INPP5A: variants seen among roughly 807,000 people sequenced by gnomAD.
INPP5A encodes the protein 43 kDa inositol polyphosphate 5-phophatase.
In INPP5A, 14 loss-of-function variants were observed where a neutral mutation model predicts 65.2. That is an observed-to-expected ratio of 0.21 (90% confidence interval 0.14 to 0.34). The LOEUF is 0.34. Ranked by LOEUF, INPP5A falls within the 10% of genes least tolerant of loss-of-function variation. The pLI is 1.00. For missense variants in INPP5A, 431 were observed against 545.6 expected, an observed-to-expected ratio of 0.79 and a Z score of 2.09; for synonymous variants, 207 against 208.3, an observed-to-expected ratio of 0.99 and a Z score of 0.05.
chr10:132,573,849 T>C lies in INPP5A; in HGVS notation c.76-34066T>C, dbSNP rs13376850. On this transcript the variant is annotated intron_variant, in intron 1 of 15. Coordinates refer to ENST00000368594, the MANE Select transcript of INPP5A (RefSeq NM_005539.5). ...TGTTGAGATGTTGGGGTGTGTGTGC[T>C]GTGTGAGGTTTTGTTGAGATGTTGG... 6.9e-3 allele frequency among the ~76,000 whole-genome samples: 772 copies of C among 111,112 alleles called. 16 individuals are homozygous for C. Among genetic ancestry groups the C allele is most frequent in the African/African-American group, 0.015 (378 of 24,728 alleles). The allele number at this position is 111,112 out of a possible 152,430, so 72.9% of individuals were successfully genotyped here.
At chr10:132,779,746 G>T (rs966460712) in intron 13 of INPP5A, among the ~76,000 whole-genome samples, 2 of 152,162 alleles carry the variant, frequency 1.3e-5, no homozygotes, top group African/African-American at 4.8e-5. Context: ...CGCCGGGCGC[G>T]CTCCGCAGCC....
At position 132,704,026 on chromosome 10, in the gene INPP5A, T is replaced by C. The variant is rs1236433343; in HGVS notation, c.475-4287T>C. On this transcript the variant is annotated intron_variant, in intron 6 of 15. Transcript: ENST00000368594. The surrounding 1 kb of genome is among the most constrained non-coding windows in gnomAD (Gnocchi z 4.5). ...ACGGCTTCACCCCCCCACACACGCG[T>C]GGCTTCACCCCCACACACACGCAGC... Among the ~76,000 whole-genome samples the C allele has an allele frequency of 8.6e-6, 1 of 115,842 alleles. No homozygotes were observed. Among genetic ancestry groups the C allele is most frequent in the East Asian group, 2.9e-4 (1 of 3,394 alleles). 76.0% of individuals were successfully genotyped at this position (115,842 alleles called of 152,430 possible). A position where few individuals can be genotyped will look rare whatever the true frequency, so the allele number is the denominator to read the frequency against.
At chr10:132,751,978 T>TGTCTGGGTAGAGGCGGGTGCCCAGGAGGC (rs1437619482) in intron 11 of INPP5A, among the ~76,000 whole-genome samples, 1 of 136,604 alleles carries the variant, frequency 7.3e-6, no homozygotes, top group African/African-American at 2.8e-5. Context: ...GCACAGGACG[T>TGTCTGGGTAGAGGCGGGTGCCCAGGAGGC]GTCTGGGTAG....
intron 1 of INPP5A, among the ~76,000 whole-genome samples, chr10:132,561,150 C>A (rs1175892534): frequency 6.6e-6 from 1 of 150,684 alleles, no homozygotes; most frequent in Non-Finnish European, 1.5e-5. Context: ...GCAACCTCGA[C>A]CTCCTGGGCT....
intron 9 of INPP5A, among the ~76,000 whole-genome samples, chr10:132,745,451 T>A (rs1397479225): frequency 6.6e-6 from 1 of 152,206 alleles, no homozygotes; most frequent in Non-Finnish European, 1.5e-5. Flanking sequence ...CTGATTGCTT[T>A]TCCAGTGCCT....
In INPP5A at chr10:132,549,788, T is replaced by C. The variant is rs989486964; in HGVS notation, c.75+11617T>C. Reference sequence around the variant, plus strand: ...CCCCACTCTCTGCCCCTGGTCTGAATGGTGGGGTTGGTGTGTCTCTGTTAC... The same window carrying C: ...CCCCACTCTCTGCCCCTGGTCTGAACGGTGGGGTTGGTGTGTCTCTGTTAC... On this transcript the variant is annotated intron_variant, in intron 1 of 15. Transcript: ENST00000368594. The surrounding 1 kb of genome is among the most constrained non-coding windows in gnomAD (Gnocchi z 4.9). Among the ~76,000 whole-genome samples, 1 of 152,238 alleles carries C rather than the reference T, an allele frequency of 6.6e-6. No homozygotes were observed. Among genetic ancestry groups the C allele is most frequent in the Non-Finnish European group, 1.5e-5 (1 of 68,048 alleles).
intron 11 of INPP5A, among the ~76,000 whole-genome samples, chr10:132,760,033 A>T (rs1459382531): frequency 6.6e-6 from 1 of 152,096 alleles, no homozygotes; most frequent in East Asian, 1.9e-4. Context: ...GGCAGGGATG[A>T]CCCACCCTGG....
rs1350089344 is a variant in INPP5A at position 132,762,140 on chromosome 10, T to C, written c.904-3633T>C. Among the ~76,000 whole-genome samples the C allele has an allele frequency of 6.6e-6, 1 of 151,990 alleles. No individual in the cohort carries two copies. The highest frequency in any genetic ancestry group is 1.9e-4 in the East Asian group (1 of 5,178). On this transcript the variant is annotated intron_variant, in intron 11 of 15. Coordinates refer to ENST00000368594, the MANE Select transcript of INPP5A (RefSeq NM_005539.5). The surrounding 1 kb of genome is among the most constrained non-coding windows in gnomAD (Gnocchi z 4.6). ...CAGGATGGGACAGGAGGGTCGGGGC[T>C]GGGAGAGGAGGGAAGAGCCCAGCGC... is the stretch of plus-strand genomic sequence containing the variant.
At chr10:132,558,308 C>T (rs1040304174) in intron 1 of INPP5A, among the ~76,000 whole-genome samples, 12 of 152,218 alleles carry the variant, frequency 7.9e-5, no homozygotes, top group African/African-American at 2.9e-4. Context: ...GGGCTCTCCC[C>T]CCCGGCCCAC....
chr10:132,615,877 T>C (rs775395704), intron 2 of INPP5A, among the ~76,000 whole-genome samples: 1 of 152,084 alleles, frequency 6.6e-6, no homozygotes, highest in Non-Finnish European at 1.5e-5. Context: ...TGTCTGCCGC[T>C]CTGGGCGGCT....
At position 132,538,060 on chromosome 10, in the gene INPP5A, C is replaced by T; in HGVS notation, c.-37C>T. The T allele has an allele frequency of 9.5e-7, 1 of 1,049,562 alleles. No homozygotes were observed. The highest frequency in any genetic ancestry group is 1.2e-6 in the Non-Finnish European group (1 of 868,030). 65.0% of individuals were successfully genotyped at this position (1,049,562 alleles called of 1,614,324 possible). On this transcript the variant is annotated 5_prime_UTR_variant, in exon 1 of 16. Coordinates refer to ENST00000368594, the MANE Select transcript of INPP5A (RefSeq NM_005539.5). The surrounding 1 kb of genome is among the most constrained non-coding windows in gnomAD (Gnocchi z 4.1). ...GTCCCGGAGGAAGCGGCCGCCGCCG[C>T]CGCCGCCCAGCCCAGCGCCCGCGCC...
chr10:132,673,901 A>G (rs952025111), intron 4 of INPP5A, among the ~76,000 whole-genome samples: 5 of 152,254 alleles, frequency 3.3e-5, no homozygotes. Context: ...GCTGCTGGCA[A>G]ATTGGGCACT....
At chr10:132,672,044 T>C (rs1281608918) in intron 4 of INPP5A, among the ~76,000 whole-genome samples, 2 of 152,218 alleles carry the variant, frequency 1.3e-5, no homozygotes, top group African/African-American at 4.8e-5. Flanking sequence ...CAGGTTTCGT[T>C]AGAGGTCAAA....
At chr10:132,672,242 G>A (rs776790823) in intron 4 of INPP5A, among the ~76,000 whole-genome samples, 1 of 152,096 alleles carries the variant, frequency 6.6e-6, no homozygotes, top group Non-Finnish European at 1.5e-5. Flanking sequence ...CTTCATATCA[G>A]CATTTAAGTA....
At chr10:132,653,930 C>T (rs1224943045) in intron 4 of INPP5A, among the ~76,000 whole-genome samples, 2 of 152,252 alleles carry the variant, frequency 1.3e-5, no homozygotes, top group Non-Finnish European at 2.9e-5. Flanking sequence ...CTTGGTGCCT[C>T]AAAGTGCCCG....
intron 1 of INPP5A, among the ~76,000 whole-genome samples, chr10:132,599,486 C>T (rs2071750087): frequency 6.6e-6 from 1 of 152,240 alleles, no homozygotes; most frequent in Non-Finnish European, 1.5e-5. Flanking sequence ...CTGCATGGTA[C>T]AGCCTCCCTC....
At chr10:132,639,917 A>G (rs1282540884) in intron 2 of INPP5A, among the ~76,000 whole-genome samples, 1 of 151,926 alleles carries the variant, frequency 6.6e-6, no homozygotes, top group Non-Finnish European at 1.5e-5. Flanking sequence ...TGAAATTTCC[A>G]TTTGTTTCTC....
intron 1 of INPP5A, among the ~76,000 whole-genome samples, chr10:132,602,336 C>G (rs1310400315): frequency 1.3e-5 from 2 of 152,182 alleles, no homozygotes; most frequent in African/African-American, 4.8e-5. Context: ...CGTTCTGTCA[C>G]CTAGGCTGAA....
rs114540003 is a variant in INPP5A, at chr10:132,594,369, C to A, written c.76-13546C>A. On this transcript the variant is annotated intron_variant, in intron 1 of 15. Transcript: ENST00000368594. ...CAGGTCTAGAACGTGTCCATCACTG[C>A]GGAACGTACTGAGACTTCCTGCGTC... is the stretch of plus-strand genomic sequence containing the variant. Among the ~76,000 whole-genome samples, 266 of 152,342 alleles carry A rather than the reference C, an allele frequency of 1.7e-3. 1 individual carries two copies. Among genetic ancestry groups the A allele is most frequent in the African/African-American group, 6.1e-3 (255 of 41,574 alleles).
Sources: gnomAD v4.1 joint callset for allele counts (sites outside exome capture counted in the v4.1 genomes callset) on GRCh38, gnomAD v4.1.1 for gene constraint, Gnocchi (gnomAD v3.1) non-coding constraint, MANE v1.5 for transcripts, NCBI Gene and HGNC (gene_info 2026-07-23, HGNC 2026-07-21) for gene names.